The following CDH23 variants were observed in gnomAD, a reference collection of about 807,000 sequenced individuals.
CDH23 encodes the protein cadherin related 23, also known as cadherin-23.
In CDH23, 189 loss-of-function variants were observed where a neutral mutation model predicts 317.1. The observed-to-expected ratio is 0.60, with a 90% CI of 0.53 to 0.67. CDH23 has a LOEUF of 0.67. Ranked by LOEUF, CDH23 falls within the 30% of genes least tolerant of loss-of-function variation. CDH23 has a pLI of 0.00. For synonymous variants in CDH23, 1,839 were observed against 1,876.8 expected, an observed-to-expected ratio of 0.98 and a Z score of 0.52; for missense variants, 4,401 against 4,592.4, an observed-to-expected ratio of 0.96 and a Z score of 1.20.
intron 1 of CDH23, among the ~76,000 whole-genome samples, chr10:71,408,076 A>T (rs1224562968): frequency 6.6e-6 from 1 of 152,228 alleles, no homozygotes; most frequent in African/African-American, 2.4e-5. Context: ...TTTACGAGAT[A>T]TATACAGTTG....
chr10:71,665,044 A>G (rs1863829397), intron 14 of CDH23, among the ~76,000 whole-genome samples: 1 of 152,100 alleles, frequency 6.6e-6, no homozygotes. Flanking sequence ...TTATTCTTTC[A>G]TCTATTTAGC....
At chr10:71,628,142 C>G (rs1037063518) in intron 11 of CDH23, among the ~76,000 whole-genome samples, 4 of 152,216 alleles carry the variant, frequency 2.6e-5, no homozygotes, top group African/African-American at 9.6e-5. Context: ...TGTGTCTCAC[C>G]CCATCGCCAT....
In CDH23 at chr10:71,687,928, T is replaced by C. The variant is rs181847108; in HGVS notation, c.2059+209T>C. ...ACAGCTAGTTCCAGAGCACCTGCTA[T>C]GTGCAGGTGCTGTGCTGGGCACTTG... On this transcript the variant is annotated intron_variant, in intron 19 of 69. Coordinates refer to ENST00000224721, the MANE Select transcript of CDH23 (RefSeq NM_022124.6). Among the ~76,000 whole-genome samples, 27 of 152,350 alleles carry C rather than the reference T, an allele frequency of 1.8e-4. No individual in the cohort carries two copies. The East Asian group carries it at 5.2e-3, about 29-fold the overall frequency.
Position 71,811,515 on chromosome 10 carries a change from CGAT to C in CDH23, c.9204_9206del (p.Ile3070del). The stretch of plus-strand genomic sequence containing the variant: ...ACCCTGGTCCTGCTCCCGCAGATGG[CGAT>C]CATCGTCCTGGCTATCCTCCTGTTC... On this transcript the variant is annotated inframe_deletion, in exon 64 of 70. Coordinates refer to ENST00000224721, the MANE Select transcript of CDH23 (RefSeq NM_022124.6). 1 of 1,613,970 alleles carries C rather than the reference CGAT, an allele frequency of 6.2e-7. No homozygotes were observed. Among genetic ancestry groups the C allele is most frequent in the Non-Finnish European group, 8.5e-7 (1 of 1,179,886 alleles).
intron 7 of CDH23, among the ~76,000 whole-genome samples, chr10:71,569,554 G>A (rs1369662793): frequency 6.6e-6 from 1 of 152,224 alleles, no homozygotes; most frequent in Non-Finnish European, 1.5e-5. Context: ...AGGTTACTCA[G>A]CAAATTAAGA....
intron 7 of CDH23, among the ~76,000 whole-genome samples, chr10:71,570,148 C>T (rs998237868): frequency 6.6e-6 from 1 of 152,108 alleles, no homozygotes; most frequent in African/African-American, 2.4e-5. Flanking sequence ...GAGTCTTTCT[C>T]GGAGTCCCCC....
chr10:71,584,487 T>G (rs1002176521), intron 9 of CDH23, among the ~76,000 whole-genome samples: 3 of 151,806 alleles, frequency 2.0e-5, no homozygotes, highest in African/African-American at 7.3e-5. Context: ...GTACATTGAG[T>G]GCTTTAAAAT....
chr10:71,601,737 A>T (rs868103692), intron 9 of CDH23, among the ~76,000 whole-genome samples: 8 of 152,104 alleles, frequency 5.3e-5, no homozygotes, highest in Non-Finnish European at 2.9e-5. Flanking sequence ...TCTATACTGG[A>T]GCTCTGTGTG....
rs115135876 is a variant in CDH23 at position 71,708,476 on chromosome 10, A to C, written c.3107-622A>C. Among the ~76,000 whole-genome samples the C allele has an allele frequency of 1.6e-3, 248 of 152,328 alleles. 1 individual carries two copies. Among genetic ancestry groups the C allele is most frequent in the African/African-American group, 5.7e-3 (236 of 41,566 alleles). ...GGGAGTTCCTTCCTGACTCCCGTCC[A>C]CCGCGAGAGGAGACCCTCACACTTC... On this transcript the variant is annotated intron_variant, in intron 26 of 69. Coordinates refer to ENST00000224721, the MANE Select transcript of CDH23 (RefSeq NM_022124.6).
At chr10:71,772,995 G>A (rs1840721007) in intron 38 of CDH23, among the ~76,000 whole-genome samples, 1 of 152,212 alleles carries the variant, frequency 6.6e-6, no homozygotes, top group Non-Finnish European at 1.5e-5. Flanking sequence ...AAAAGCCAGT[G>A]ATATCCACCA....
rs186699528 is a variant in CDH23 at position 71,726,648 on chromosome 10, T to G, written c.3579+1128T>G. On this transcript the variant is annotated intron_variant, in intron 30 of 69. Coordinates refer to ENST00000224721, the MANE Select transcript of CDH23 (RefSeq NM_022124.6). ...AGACACAGTAACCTGGACATGCACA[T>G]AGCCATGCTGGCTTGCATGACTGTG... Among the ~76,000 whole-genome samples the G allele has an allele frequency of 5.8e-4, 88 of 152,366 alleles. 2 individuals carry two copies. The highest frequency in any genetic ancestry group is 4.4e-5 in the Non-Finnish European group (3 of 68,034).
In CDH23 at chr10:71,472,762, G is replaced by T. The variant is rs373354220; in HGVS notation, c.145+26367G>T. Among the ~76,000 whole-genome samples the T allele has an allele frequency of 2.4e-3, 367 of 152,330 alleles. 2 individuals carry two copies. The highest frequency in any genetic ancestry group is 4.2e-3 in the Non-Finnish European group (288 of 68,034). On this transcript the variant is annotated intron_variant, in intron 3 of 69. Coordinates refer to ENST00000224721, the MANE Select transcript of CDH23 (RefSeq NM_022124.6). ...GGTTGGCAGTGCCAAGGACTCCTGT[G>T]CTCTGTGCATGGCCCTTTATCTATT...
intron 14 of CDH23, among the ~76,000 whole-genome samples, chr10:71,658,379 A>G (rs1863507485): frequency 6.6e-6 from 1 of 152,046 alleles, no homozygotes; most frequent in Non-Finnish European, 1.5e-5. Context: ...TCGGAAGTGA[A>G]TTGTCCTGGA....
intron 6 of CDH23, among the ~76,000 whole-genome samples, chr10:71,521,975 C>A (rs951621571): frequency 6.6e-6 from 1 of 152,128 alleles, no homozygotes; most frequent in East Asian, 1.9e-4. Context: ...GAGTCTTGGG[C>A]GAGTCGTCTC....
chr10:71,483,129 A>G (rs1852159113), intron 3 of CDH23, among the ~76,000 whole-genome samples: 2 of 152,238 alleles, frequency 1.3e-5, no homozygotes, highest in South Asian at 4.1e-4. Flanking sequence ...CCTGGGTGCC[A>G]GTAAGGCTGG....
intron 19 of CDH23, among the ~76,000 whole-genome samples, chr10:71,690,137 T>C (rs528487758): frequency 4.6e-5 from 7 of 152,274 alleles, no homozygotes. Flanking sequence ...CAAGTGACAG[T>C]TGGCCAATCT....
chr10:71,484,034 C>T (rs1187595919), intron 3 of CDH23, among the ~76,000 whole-genome samples: 1 of 152,224 alleles, frequency 6.6e-6, no homozygotes. Flanking sequence ...GATCCTCCCA[C>T]CATTCCACAC....
At chr10:71,546,421 G>A (rs564007649) in intron 6 of CDH23, among the ~76,000 whole-genome samples, 13 of 152,294 alleles carry the variant, frequency 8.5e-5, no homozygotes, top group Admixed American at 3.3e-4. Context: ...TTAATGCAAC[G>A]CAAGCAATTT....
At chr10:71,479,507 A>G (rs148996129) in intron 3 of CDH23, among the ~76,000 whole-genome samples, 252 of 152,292 alleles carry the variant, frequency 1.7e-3, no homozygotes, top group Non-Finnish European at 2.7e-3. Context: ...TTGGAGAGAC[A>G]CAACAGGCTC....
Sources: gnomAD v4.1 joint callset for allele counts (sites outside exome capture counted in the v4.1 genomes callset) on GRCh38, gnomAD v4.1.1 for gene constraint, MANE v1.5 for transcripts, NCBI Gene and HGNC (gene_info 2026-07-23, HGNC 2026-07-21) for gene names.